PTPRD: variants seen among roughly 807,000 people sequenced by gnomAD.
PTPRD encodes protein tyrosine phosphatase receptor type D, also known as receptor-type tyrosine-protein phosphatase delta.
PTPRD carries 34 observed loss-of-function variants against 214.5 expected under a neutral mutation model. The observed-to-expected ratio is 0.16, with a 90% CI of 0.12 to 0.21. The LOEUF (loss-of-function observed/expected upper bound fraction) is 0.21. PTPRD is among the 10% of genes least tolerant of loss of function. The probability of loss-of-function intolerance (pLI) is 1.00; values close to 1 mark genes in which losing one functional copy is unlikely to be tolerated. For missense variants in PTPRD, 2,545 were observed against 2,398.7 expected, an observed-to-expected ratio of 1.06 and a Z score of -1.27; for synonymous variants, 1,128 against 845.7, an observed-to-expected ratio of 1.33 and a Z score of -5.79.
At chr9:9,315,293 T>C (rs1962074121) in intron 9 of PTPRD, among the ~76,000 whole-genome samples, 1 of 151,844 alleles carries the variant, frequency 6.6e-6, no homozygotes, top group South Asian at 2.1e-4. Flanking sequence ...AAAAGGGGAG[T>C]TACAACTTAT....
intron 14 of PTPRD, among the ~76,000 whole-genome samples, chr9:8,538,994 C>T (rs1235794410): frequency 6.6e-6 from 1 of 151,814 alleles, no homozygotes; most frequent in Non-Finnish European, 1.5e-5. Flanking sequence ...CACAACTTAT[C>T]CTGTTGTATA....
At chr9:9,827,811 G>A (rs1163864638) in intron 5 of PTPRD, among the ~76,000 whole-genome samples, 3 of 151,720 alleles carry the variant, frequency 2.0e-5, no homozygotes, top group Non-Finnish European at 4.4e-5. Context: ...AAATTTACAA[G>A]AAAAAAACAA....
intron 12 of PTPRD, among the ~76,000 whole-genome samples, chr9:8,695,273 T>C (rs529343570): frequency 6.6e-6 from 1 of 152,300 alleles, no homozygotes; most frequent in East Asian, 1.9e-4. Flanking sequence ...TTGCTCTAAA[T>C]TTTCATTCAC....
chr9:8,796,121 A>C (rs1156557479), intron 11 of PTPRD, among the ~76,000 whole-genome samples: 2 of 152,236 alleles, frequency 1.3e-5, no homozygotes, highest in Non-Finnish European at 2.9e-5. Context: ...CACAGCAGAA[A>C]ATGCTATAGG....
intron 3 of PTPRD, among the ~76,000 whole-genome samples, chr9:10,132,866 T>C (rs2098907890): frequency 6.6e-6 from 1 of 152,176 alleles, no homozygotes; most frequent in African/African-American, 2.4e-5. Context: ...CCCTTCCTTC[T>C]GGTGTTTATG....
At chr9:8,910,184 G>A (rs964433210) in intron 11 of PTPRD, among the ~76,000 whole-genome samples, 11 of 151,806 alleles carry the variant, frequency 7.2e-5, no homozygotes, top group African/African-American at 1.7e-4. Context: ...GACTACAGGC[G>A]CCCACAACCA....
At chr9:8,828,479 G>A (rs1275436633) in intron 11 of PTPRD, among the ~76,000 whole-genome samples, 1 of 152,138 alleles carries the variant, frequency 6.6e-6, no homozygotes, top group African/African-American at 2.4e-5. Context: ...CCTTGATCTT[G>A]GACTTCTGGC....
At chr9:10,001,769 A>G (rs2096323928) in intron 4 of PTPRD, among the ~76,000 whole-genome samples, 1 of 152,158 alleles carries the variant, frequency 6.6e-6, no homozygotes, top group South Asian at 2.1e-4. Flanking sequence ...TCACTAGTAC[A>G]GCTGCCCTAT....
chr9:9,374,548 GGTAAA>G (rs1322457939), intron 9 of PTPRD, among the ~76,000 whole-genome samples: 3 of 152,194 alleles, frequency 2.0e-5, no homozygotes, highest in South Asian at 4.1e-4. Context: ...AATAAAGTAA[GGTAAA>G]GTAAAGGGAA....
At chr9:8,850,285 T>C (rs978438212) in intron 11 of PTPRD, among the ~76,000 whole-genome samples, 1 of 152,096 alleles carries the variant, frequency 6.6e-6, no homozygotes, top group African/African-American at 2.4e-5. Flanking sequence ...ATTGTTTCTA[T>C]GAGAAGTGGA....
chr9:9,678,819 C>T (rs551062890), intron 7 of PTPRD, among the ~76,000 whole-genome samples: 14 of 151,940 alleles, frequency 9.2e-5, no homozygotes, highest in African/African-American at 3.1e-4. Context: ...TCTCACATTC[C>T]TGTCATAAAT....
chr9:9,540,854 T>C (rs111587914), intron 8 of PTPRD, among the ~76,000 whole-genome samples: 151 of 151,828 alleles, frequency 9.9e-4, no homozygotes, highest in African/African-American at 3.6e-3. Flanking sequence ...AGTAGTGACA[T>C]TGGTTCCACT....
At chr9:10,112,422 C>T (rs975401639) in intron 3 of PTPRD, among the ~76,000 whole-genome samples, 1 of 151,540 alleles carries the variant, frequency 6.6e-6, no homozygotes, top group Admixed American at 6.6e-5. Context: ...TTCCAACTGA[C>T]AATTATCTAT....
chr9:8,912,534 T>C (rs1309711172), intron 11 of PTPRD, among the ~76,000 whole-genome samples: 4 of 152,074 alleles, frequency 2.6e-5, no homozygotes, highest in South Asian at 4.2e-4. Context: ...ACAGGAACTT[T>C]TGGGGTGGTG....
At chr9:9,084,548 T>A (rs2099764213) in intron 10 of PTPRD, among the ~76,000 whole-genome samples, 1 of 152,092 alleles carries the variant, frequency 6.6e-6, no homozygotes, top group African/African-American at 2.4e-5. Context: ...AATTAAAGTA[T>A]AATAATAGTA....
chr9:9,391,111 A>C (rs2065693026), intron 9 of PTPRD, among the ~76,000 whole-genome samples: 1 of 152,052 alleles, frequency 6.6e-6, no homozygotes, highest in Admixed American at 6.6e-5. Context: ...GTCAAATATG[A>C]ATAAAAATAT....
chr9:8,919,893 T>G (rs974508335), intron 11 of PTPRD, among the ~76,000 whole-genome samples: 2 of 151,642 alleles, frequency 1.3e-5, no homozygotes, highest in African/African-American at 2.4e-5. Context: ...CATACATAGA[T>G]GTACATGCAT....
chr9:9,970,547 C>A (rs1001332733), intron 4 of PTPRD, among the ~76,000 whole-genome samples: 3 of 151,828 alleles, frequency 2.0e-5, no homozygotes, highest in African/African-American at 7.3e-5. Context: ...CAGGTATGTA[C>A]CTAGTAGGAA....
intron 23 of PTPRD, among the ~76,000 whole-genome samples, chr9:8,503,387 T>C (rs73640923): frequency 0.033 from 5,007 of 152,112 alleles, 285 homozygotes; most frequent in African/African-American, 0.11. Context: ...AGACAAAATA[T>C]CACACAAAGA....
Sources: allele counts gnomAD v4.1 joint callset (sites outside exome capture counted in the v4.1 genomes callset), GRCh38; gene constraint gnomAD v4.1.1; transcripts MANE v1.5; gene names NCBI Gene and HGNC (gene_info 2026-07-23, HGNC 2026-07-21).